Variants in ADAMTS20 observed in about 807,000 individuals in gnomAD.
ADAMTS20 encodes the protein ADAM metallopeptidase with thrombospondin type 1 motif 20.
Under a neutral mutation model 260.1 loss-of-function variants are expected in ADAMTS20, and 225 were observed. That is an observed-to-expected ratio of 0.87 (90% CI 0.78 to 0.97). The LOEUF is 0.97. Ranked by LOEUF, ADAMTS20 falls within the 50% of genes least tolerant of loss-of-function variation. The pLI is 0.00. For synonymous variants in ADAMTS20, 802 were observed against 769.5 expected, an observed-to-expected ratio of 1.04 and a Z score of -0.70; for missense variants, 2,400 against 2,337.7, an observed-to-expected ratio of 1.03 and a Z score of -0.55.
At chr12:43,464,177 CAA>C (rs1942112498) in intron 10 of ADAMTS20, among the ~76,000 whole-genome samples, 1 of 151,958 alleles carries the variant, frequency 6.6e-6, no homozygotes, top group East Asian at 1.9e-4. Flanking sequence ...CTTTTGAATT[CAA>C]ATATATGTAA....
intron 16 of ADAMTS20, among the ~76,000 whole-genome samples, 191 bp downstream of exon 16, chr12:43,443,600 G>GT (rs79186773): frequency 1.3e-3 from 193 of 147,326 alleles, no homozygotes; most frequent in Non-Finnish European, 1.1e-3. Context: ...ATTTCATTAA[G>GT]TTTTTTTTTT....
intron 16 of ADAMTS20, among the ~76,000 whole-genome samples, chr12:43,441,108 G>A (rs1000222057): frequency 6.6e-6 from 1 of 150,680 alleles, no homozygotes; most frequent in Admixed American, 6.6e-5. Flanking sequence ...CAACATTCTA[G>A]AAGGCCATGC....
At chr12:43,415,536 T>C (rs1941114278) in intron 28 of ADAMTS20, among the ~76,000 whole-genome samples, 1 of 152,158 alleles carries the variant, frequency 6.6e-6, no homozygotes, top group Admixed American at 6.6e-5. Context: ...ATAAGCAAAA[T>C]ATATTGAGCC....
chr12:43,448,067 A>G (rs1358425559), intron 14 of ADAMTS20, among the ~76,000 whole-genome samples: 4 of 152,210 alleles, frequency 2.6e-5, no homozygotes. Context: ...ATATTTCCCA[A>G]AGCAATGTAC....
chr12:43,455,794 C>T lies in ADAMTS20; in HGVS notation c.1615-1742G>A, dbSNP rs150071227. 6.4e-4 allele frequency among the ~76,000 whole-genome samples: 97 copies of T among 151,928 alleles called. 2 individuals carry two copies. The highest frequency in any genetic ancestry group is 2.1e-3 in the African/African-American group (88 of 41,426). On this transcript the variant is annotated intron_variant, in intron 11 of 38. Transcript: ENST00000389420. ...CGTGATCACAGCTTACCGCAACCTC[C>T]GCCTCCCACATTCATGTGATTATCC... is the stretch of plus-strand genomic sequence containing the variant.
chr12:43,430,468 T>C lies in ADAMTS20; in HGVS notation c.3265A>G (p.Thr1089Ala), dbSNP rs1163019494. 2 of 1,610,566 alleles carry C rather than the reference T, an allele frequency of 1.2e-6. No individual in the cohort carries two copies. The highest frequency in any genetic ancestry group is 3.3e-4 in the Middle Eastern group (2 of 6,040). ...TGATACCCATGTCCACATGTGGTTG[T>C]GCACTGAAAGAAGAATATAGATATT... Reference protein sequence around the residue: ...SWQVGPWGPCTTTCGHGYQMR... With the variant: ...SWQVGPWGPCATTCGHGYQMR... The change falls in exon 23 of 39, where the codon ACA becomes GCA. Residue 1089 changes from threonine to alanine, a missense_variant. Transcript: ENST00000389420.
rs1940414563 is a variant in ADAMTS20 at position 43,383,960 on chromosome 12, G to A, written c.4470C>T (p.Gly1490=). 6.2e-7 allele frequency: 1 copy of A among 1,613,548 alleles called. No individual in the cohort carries two copies. The highest frequency in any genetic ancestry group is 1.3e-5 in the African/African-American group (1 of 74,888). The change falls in exon 30 of 39, where the codon GGC becomes GGT. Residue 1490 remains glycine (G), a synonymous_variant. Coordinates refer to ENST00000389420, the MANE Select transcript of ADAMTS20 (RefSeq NM_025003.5). Reference sequence around the variant, plus strand: ...ATACATCCCTCTGCTGAACTCCAGAGCCACAGGTCACAGAGCACTACAAAG... The same window carrying A: ...ATACATCCCTCTGCTGAACTCCAGAACCACAGGTCACAGAGCACTACAAAG... The part of the protein sequence containing the change: ...NSWNECSVTC[G]SGVQQRDVYC...
Position 43,502,207 on chromosome 12 carries a change from A to G in ADAMTS20, c.812T>C (p.Val271Ala). ...IEIMVTADAK[V>A]VSAHGSNLQN... is the part of the protein sequence containing the mutation. ...CAAATTCGATCCATGAGCAGAAACC[A>G]CTTTAGCATCAGCTGTAACCATAAT... The change falls in exon 4 of 39, where the codon GTG (valine) becomes GCG (alanine). Residue 271 changes from valine to alanine, a missense_variant. Val to Ala is a moderately conservative substitution (Grantham distance 64, BLOSUM62 0). Coordinates refer to ENST00000389420, the MANE Select transcript of ADAMTS20 (RefSeq NM_025003.5). 1.2e-6 allele frequency: 2 copies of G among 1,610,500 alleles called. No individual in the cohort carries two copies. The highest frequency in any genetic ancestry group is 1.7e-6 in the Non-Finnish European group (2 of 1,178,654).
At chr12:43,411,524 C>T (rs1270685113) in intron 28 of ADAMTS20, among the ~76,000 whole-genome samples, 13 of 152,022 alleles carry the variant, frequency 8.6e-5, no homozygotes, top group Admixed American at 7.9e-4. Flanking sequence ...CCCACCACCA[C>T]GCCCAGATAA....
At chr12:43,371,372 G>A (rs569275507) in intron 36 of ADAMTS20, among the ~76,000 whole-genome samples, 6 of 152,306 alleles carry the variant, frequency 3.9e-5, no homozygotes, top group South Asian at 2.1e-4. Context: ...GCATTGGGCA[G>A]TATTATAGAT....
At chr12:43,372,966 A>C (rs1580696) in intron 36 of ADAMTS20, among the ~76,000 whole-genome samples, 34,223 of 152,134 alleles carry the variant, frequency 0.22, 4,608 homozygotes, top group African/African-American at 0.37. Flanking sequence ...AGAAGGTATA[A>C]GTTAGACATT....
intron 14 of ADAMTS20, among the ~76,000 whole-genome samples, chr12:43,448,251 C>T (rs1310779787): frequency 6.6e-6 from 1 of 152,212 alleles, no homozygotes; most frequent in East Asian, 1.9e-4. Context: ...TACTACAGGG[C>T]TACAGTAACC....
intron 28 of ADAMTS20, among the ~76,000 whole-genome samples, chr12:43,416,067 C>T (rs1382477697): frequency 6.6e-6 from 1 of 152,150 alleles, no homozygotes; most frequent in East Asian, 1.9e-4. Flanking sequence ...ACCTCTTTTA[C>T]TCCCACCTTC....
rs61465679 is a variant in ADAMTS20 at position 43,421,282 on chromosome 12, CA to C, written c.4284+4231del. 1.8e-3 allele frequency among the ~76,000 whole-genome samples: 212 copies of C among 118,876 alleles called. 1 individual carries two copies. Among genetic ancestry groups the C allele is most frequent in the African/African-American group, 5.8e-3 (186 of 31,856 alleles). The allele number at this position is 118,876 out of a possible 152,430, so 78.0% of individuals were successfully genotyped here. ...GGTTCAAGTAGCAAGCTTTCATTTA[CA>C]AAAAAAAAAAAAAAACTTTCTCTTT... On this transcript the variant is annotated intron_variant, in intron 28 of 38. Transcript: ENST00000389420.
chr12:43,487,845 T>C (rs1942546007), intron 7 of ADAMTS20, among the ~76,000 whole-genome samples: 1 of 152,068 alleles, frequency 6.6e-6, no homozygotes, highest in African/African-American at 2.4e-5. Context: ...ATGAAAATAT[T>C]ATGGAACTGA....
chr12:43,463,032 TA>T (rs746229323), intron 10 of ADAMTS20, 33 bp from the exon 11 acceptor site: 3 of 1,454,938 alleles, frequency 2.1e-6, no homozygotes, highest in Non-Finnish European at 1.9e-6. Flanking sequence ...CAAGCCAGTG[TA>T]AAGATAACAC....
intron 4 of ADAMTS20, among the ~76,000 whole-genome samples, chr12:43,495,201 C>T (rs1014300400): frequency 6.6e-6 from 1 of 152,052 alleles, no homozygotes; most frequent in Non-Finnish European, 1.5e-5. Flanking sequence ...AAAAAATTCC[C>T]AATATTCTGA....
intron 31 of ADAMTS20, among the ~76,000 whole-genome samples, chr12:43,381,297 A>G (rs1411035948): frequency 2.0e-5 from 3 of 152,172 alleles, no homozygotes; most frequent in Non-Finnish European, 4.4e-5. Context: ...GTGAGCATGA[A>G]GTAGGCAATA....
chr12:43,421,574 A>G (rs1310139207), intron 28 of ADAMTS20, among the ~76,000 whole-genome samples: 4 of 152,102 alleles, frequency 2.6e-5, no homozygotes, highest in Non-Finnish European at 4.4e-5. Flanking sequence ...GTCCCTTACT[A>G]TATATGAATG....
Sources: allele counts gnomAD v4.1 joint callset (sites outside exome capture counted in the v4.1 genomes callset), GRCh38; gene constraint gnomAD v4.1.1; transcripts MANE v1.5; gene names NCBI Gene and HGNC (gene_info 2026-07-23, HGNC 2026-07-21).